The following CA12 variants were observed in gnomAD, a reference collection of about 807,000 sequenced individuals.
The protein encoded by CA12 is carbonate dehydratase XII.
Under a neutral mutation model 46.8 loss-of-function variants are expected in CA12, and 36 were observed. That is an observed-to-expected ratio of 0.77 (90% CI 0.59 to 1.02). CA12 has a LOEUF of 1.02. Among genes scored for constraint, CA12 ranks in the 50% least tolerant of loss-of-function variants. The probability of loss-of-function intolerance (pLI) is 0.00; values close to 1 mark genes in which losing one functional copy is unlikely to be tolerated. For missense variants in CA12, 436 were observed against 451.4 expected (o/e 0.97, Z 0.31); for synonymous variants, 202 against 187.0 (o/e 1.08, Z -0.65).
chr15:63,346,644 T>C lies in CA12; in HGVS notation c.172A>G (p.Ile58Val), dbSNP rs768795080. 6.4e-7 allele frequency: 1 copy of C among 1,570,654 alleles called. No individual in the cohort carries two copies. The highest frequency in any genetic ancestry group is 8.7e-7 in the Non-Finnish European group (1 of 1,154,648). Reference sequence around the variant, plus strand: ...TGGAGGATGTCACTGTGCAGGTCTATGGGGGACTGCAGCAGGCCCCCACAC... The same window carrying C: ...TGGAGGATGTCACTGTGCAGGTCTACGGGGGACTGCAGCAGGCCCCCACAC... ...PSCGGLLQSP[I>V]DLHSDILQYD... is the part of the protein sequence containing the mutation. The change falls in exon 3 of 11, where the codon ATA becomes GTA. Residue 58 changes from isoleucine (I) to valine (V), a missense_variant. Ile to Val is a conservative substitution (Grantham distance 29, BLOSUM62 3). Transcript: ENST00000178638.
chr15:63,377,190 G>A (rs1391548982), intron 1 of CA12, among the ~76,000 whole-genome samples: 1 of 152,186 alleles, frequency 6.6e-6, no homozygotes, highest in African/African-American at 2.4e-5. Context: ...AAGGGACCCT[G>A]AGTAGAGAAG....
chr15:63,362,876 G>C (rs2039381974), intron 2 of CA12, among the ~76,000 whole-genome samples: 1 of 152,174 alleles, frequency 6.6e-6, no homozygotes. Context: ...CTTCTCTAGA[G>C]ATGCGTGAAG....
intron 1 of CA12, among the ~76,000 whole-genome samples, chr15:63,377,120 A>T (rs1433196152): frequency 6.6e-6 from 1 of 152,192 alleles, no homozygotes; most frequent in African/African-American, 2.4e-5. Context: ...GGTCTTTTTC[A>T]CAAGTGCAGA....
At chr15:63,353,267 C>T (rs1226970835) in intron 2 of CA12, among the ~76,000 whole-genome samples, 6 of 152,110 alleles carry the variant, frequency 3.9e-5, no homozygotes, top group East Asian at 1.9e-4. Context: ...CCAGAGGAGG[C>T]GCCGTTAAAG....
rs993647686 is a variant in CA12 at position 63,331,709 on chromosome 15, G to T, written c.875-3579C>A. The T allele has an allele frequency of 6.6e-6, 1 of 152,260 alleles. No individual in the cohort carries two copies. Among genetic ancestry groups the T allele is most frequent in the Admixed American group, 6.5e-5 (1 of 15,284 alleles). The allele number at this position is 152,260 out of a possible 1,614,324, so 9.4% of individuals were successfully genotyped here. ...GATGGTCACACACCTTGCCCAGGAA[G>T]GTACAGACACCCGGAGAAGGTCGGT... On this transcript the variant is annotated intron_variant, in intron 8 of 10. Coordinates refer to ENST00000178638, the MANE Select transcript of CA12 (RefSeq NM_001218.5). This position sits in a 1 kb window ranked among gnomAD's most constrained non-coding sequence, Gnocchi z 5.3.
intron 2 of CA12, among the ~76,000 whole-genome samples, chr15:63,349,502 G>T (rs908587892): frequency 4.6e-5 from 7 of 152,146 alleles, no homozygotes; most frequent in African/African-American, 1.7e-4. Flanking sequence ...GGTCAGCAAG[G>T]TCAAGAAAGC....
intron 2 of CA12, among the ~76,000 whole-genome samples, chr15:63,365,442 C>G (rs2039425201): frequency 6.6e-6 from 1 of 152,236 alleles, no homozygotes; most frequent in Non-Finnish European, 1.5e-5. Flanking sequence ...GCTCCTCAGG[C>G]TGCTGGAGCC....
chr15:63,379,998 C>G (rs1419129095), intron 1 of CA12, among the ~76,000 whole-genome samples: 5 of 152,254 alleles, frequency 3.3e-5, no homozygotes, highest in African/African-American at 1.2e-4. Flanking sequence ...GCAGATCACA[C>G]TTTGACCCCA....
At position 63,368,547 on chromosome 15, in the gene CA12, G is replaced by T. The variant is rs374467853; in HGVS notation, c.106+7111C>A. On this transcript the variant is annotated intron_variant, in intron 2 of 10. Coordinates refer to ENST00000178638, the MANE Select transcript of CA12 (RefSeq NM_001218.5). ...TTGAATTCAGCCTTTTTACTTGAAA[G>T]ATTTATTTTGAGCAGGTTCACAGGG... Among the ~76,000 whole-genome samples the T allele has an allele frequency of 3.9e-5, 6 of 152,318 alleles. No individual in the cohort carries two copies. In the East Asian group the frequency reaches 5.8e-4, roughly 15 times the overall value.
chr15:63,344,409 G>A (rs748724816), intron 4 of CA12, among the ~76,000 whole-genome samples: 1 of 152,222 alleles, frequency 6.6e-6, no homozygotes, highest in Non-Finnish European at 1.5e-5. Context: ...CTTCTAAATG[G>A]ATTGAGTCTC....
In CA12 at chr15:63,374,698, T is replaced by C. The variant is rs1339245567; in HGVS notation, c.106+960A>G. The stretch of plus-strand genomic sequence containing the variant: ...TGGTGAACCTCCAAAGGCTGACCTA[T>C]GCAAATTGGTGTCAGATCTTTCTCT... On this transcript the variant is annotated intron_variant, in intron 2 of 10. Transcript: ENST00000178638. The surrounding 1 kb of genome is among the most constrained non-coding windows in gnomAD (Gnocchi z 4.4). 6.6e-6 allele frequency among the ~76,000 whole-genome samples: 1 copy of C among 152,214 alleles called. No individual in the cohort carries two copies. The highest frequency in any genetic ancestry group is 1.5e-5 in the Non-Finnish European group (1 of 68,042).
In CA12 at chr15:63,374,721, T is replaced by C. The variant is rs1287259999; in HGVS notation, c.106+937A>G. Among the ~76,000 whole-genome samples the C allele has an allele frequency of 1.3e-5, 2 of 152,206 alleles. No homozygotes were observed. Among genetic ancestry groups the C allele is most frequent in the African/African-American group, 4.8e-5 (2 of 41,442 alleles). ...TATGCAAATTGGTGTCAGATCTTTC[T>C]CTGGACGGTGCTTCCACTGTAGTAA... On this transcript the variant is annotated intron_variant, in intron 2 of 10. Transcript: ENST00000178638. The surrounding 1 kb of genome is among the most constrained non-coding windows in gnomAD (Gnocchi z 4.4).
intron 2 of CA12, among the ~76,000 whole-genome samples, chr15:63,353,179 C>A (rs560801062): frequency 6.6e-6 from 1 of 151,984 alleles, no homozygotes. Context: ...CTGCAATGAG[C>A]GCTGCAAAGG....
At position 63,321,607 on chromosome 15, in the gene CA12, C is replaced by G. The variant is rs2038791608; in HGVS notation, c.*4678G>C. 6.6e-6 allele frequency: 1 copy of G among 152,232 alleles called. No individual in the cohort carries two copies. Among genetic ancestry groups the G allele is most frequent in the African/African-American group, 2.4e-5 (1 of 41,462 alleles). 9.4% of individuals were successfully genotyped at this position (152,232 alleles called of 1,614,324 possible). A position where few individuals can be genotyped will look rare whatever the true frequency, so the allele number is the denominator to read the frequency against. Reference sequence around the variant, plus strand: ...TGTGGATGGCAGCCCGGCTGGAACGCACTGGCAGGTGGTCCCTGTGCCCCA... The same window carrying G: ...TGTGGATGGCAGCCCGGCTGGAACGGACTGGCAGGTGGTCCCTGTGCCCCA... On this transcript the variant is annotated 3_prime_UTR_variant, in exon 11 of 11. Transcript: ENST00000178638. This position sits in a 1 kb window ranked among gnomAD's most constrained non-coding sequence, Gnocchi z 4.5.
chr15:63,366,001 C>T (rs559200321), intron 2 of CA12, among the ~76,000 whole-genome samples: 63 of 152,128 alleles, frequency 4.1e-4, no homozygotes, highest in African/African-American at 1.4e-3. Context: ...ATTAGCTGGG[C>T]GTGATGGCGT....
intron 2 of CA12, among the ~76,000 whole-genome samples, chr15:63,356,807 C>A (rs912889301): frequency 6.6e-6 from 1 of 152,140 alleles, no homozygotes; most frequent in Non-Finnish European, 1.5e-5. Flanking sequence ...ACACGCCTGG[C>A]CTGATCCAGT....
chr15:63,338,115 G>A (rs2039025943), intron 8 of CA12, among the ~76,000 whole-genome samples: 1 of 152,214 alleles, frequency 6.6e-6, no homozygotes. Context: ...AAGGAAAACG[G>A]TTAATGTTCT....
chr15:63,365,484 T>C (rs373339875), intron 2 of CA12, among the ~76,000 whole-genome samples: 21 of 152,194 alleles, frequency 1.4e-4, no homozygotes, highest in East Asian at 1.2e-3. Flanking sequence ...CTGGCTTCAG[T>C]TGTAAACAGG....
chr15:63,327,162 A>G lies in CA12; in HGVS notation c.979T>C (p.Phe327Leu), dbSNP rs2038877784. ...CIVVVVSIWLFRRKSIKKGDN... is the reference protein window; with the variant it reads ...CIVVVVSIWLLRRKSIKKGDN... ...AAACCAGCTCACCTCTTCCTTCTGAAAAGCCAAATGGACACCACCACCACA... is the reference window on the plus strand; with the variant it reads ...AAACCAGCTCACCTCTTCCTTCTGAGAAGCCAAATGGACACCACCACCACA... The change falls in exon 10 of 11, where the codon TTC becomes CTC. Residue 327 changes from phenylalanine (F) to leucine (L), a missense_variant. Physicochemically the swap from Phe to Leu is conservative, Grantham distance 22. Coordinates refer to ENST00000178638, the MANE Select transcript of CA12 (RefSeq NM_001218.5). The surrounding 1 kb of genome is among the most constrained non-coding windows in gnomAD (Gnocchi z 4.5). The G allele has an allele frequency of 6.2e-7, 1 of 1,614,058 alleles. No individual in the cohort carries two copies. Among genetic ancestry groups the G allele is most frequent in the East Asian group, 2.2e-5 (1 of 44,884 alleles).
Sources: allele counts gnomAD v4.1 joint callset (sites outside exome capture counted in the v4.1 genomes callset), GRCh38; gene constraint gnomAD v4.1.1; non-coding constraint Gnocchi (gnomAD v3.1); transcripts MANE v1.5; gene names NCBI Gene and HGNC (gene_info 2026-07-23, HGNC 2026-07-21).